ZNF267: variants seen among roughly 807,000 people sequenced by gnomAD.
The protein encoded by ZNF267 is zinc finger (C2H2).
A neutral mutation model predicts 71.6 loss-of-function variants in ZNF267; 61 were observed. The ratio of observed to expected loss-of-function variants is 0.85; its 90% CI spans 0.69 to 1.05. The LOEUF is 1.05. ZNF267 is among the 50% of genes least tolerant of loss of function. The pLI, the probability that ZNF267 is intolerant of heterozygous loss-of-function variation, is 0.00. For missense variants in ZNF267, 852 were observed against 870.0 expected (o/e 0.98, Z 0.26); for synonymous variants, 288 against 293.2 (o/e 0.98, Z 0.18).
chr16:31,894,848 T>TG (rs2083986215), intron 3 of ZNF267: 1 of 457,632 alleles, frequency 2.2e-6, no homozygotes, highest in African/African-American at 2.1e-5. Flanking sequence ...CCTGTGGAGG[T>TG]GGAGTGTTGA....
intron 3 of ZNF267, among the ~76,000 whole-genome samples, chr16:31,885,996 A>C (rs2083921636): frequency 6.6e-6 from 1 of 152,098 alleles, no homozygotes; most frequent in Non-Finnish European, 1.5e-5. Flanking sequence ...TATATAATAA[A>C]CTCTAAACTG....
At chr16:31,888,057 T>C (rs1009357699) in intron 3 of ZNF267, among the ~76,000 whole-genome samples, 1 of 152,098 alleles carries the variant, frequency 6.6e-6, no homozygotes, top group South Asian at 2.1e-4. Context: ...CAGTGTTTTA[T>C]AGATTTTACT....
chr16:31,876,240 A>G (rs2083851590), intron 1 of ZNF267, among the ~76,000 whole-genome samples: 1 of 151,876 alleles, frequency 6.6e-6, no homozygotes. Context: ...GTTTTTGGAG[A>G]CAGGATCTCT....
intron 3 of ZNF267, chr16:31,914,239 T>G: frequency 2.3e-6 from 1 of 443,142 alleles, no homozygotes. Context: ...CAGATGCTGC[T>G]GAGGGGCAAG....
Position 31,916,428 on chromosome 16 carries a change from T to C in ZNF267, c.2179T>C (p.Ser727Pro). 6.2e-7 allele frequency: 1 copy of C among 1,614,144 alleles called. No homozygotes were observed. Among genetic ancestry groups the C allele is most frequent in the Non-Finnish European group, 8.5e-7 (1 of 1,180,004 alleles). ...KCEECGKAFN[S>P]RSYLIAHQRS... Reference sequence around the variant, plus strand: ...TGAAGAATGTGGCAAAGCCTTTAACTCTAGGTCATACCTCATTGCACATCA... The same window carrying C: ...TGAAGAATGTGGCAAAGCCTTTAACCCTAGGTCATACCTCATTGCACATCA... Residue 727 changes from serine to proline, a missense_variant, in exon 4 of 4, where the codon TCT becomes CCT. Transcript: ENST00000300870.
intron 1 of ZNF267, 152 bp from the exon 2 acceptor site, chr16:31,884,346 A>G (rs1028766671): frequency 4.5e-6 from 4 of 897,350 alleles, no homozygotes; most frequent in Non-Finnish European, 4.9e-6. Flanking sequence ...GTTTGAGACT[A>G]CATTAGAAAA....
At chr16:31,909,124 T>C (rs1289859560) in intron 3 of ZNF267, among the ~76,000 whole-genome samples, 8 of 121,410 alleles carry the variant, frequency 6.6e-5, no homozygotes, top group East Asian at 4.6e-4. Flanking sequence ...TCTTTTCTTT[T>C]TTTTTTTTTT....
At position 31,915,930 on chromosome 16, in the gene ZNF267, T is replaced by G; in HGVS notation, c.1681T>G (p.Ser561Ala). The G allele has an allele frequency of 6.2e-7, 1 of 1,613,970 alleles. No homozygotes were observed. The highest frequency in any genetic ancestry group is 8.5e-7 in the Non-Finnish European group (1 of 1,180,000). The stretch of plus-strand genomic sequence containing the variant: ...ATGTGGCAAAGCCTTTCCTTATAGT[T>G]CACACCTTATTCGACATCATCGAAT... ...KECGKAFPYSSHLIRHHRIHT... is the reference protein window; with the variant it reads ...KECGKAFPYSAHLIRHHRIHT... Residue 561 changes from serine (S) to alanine (A), a missense_variant, in exon 4 of 4, where the codon TCA becomes GCA. Transcript: ENST00000300870.
chr16:31,885,102 A>G, intron 2 of ZNF267, 59 bp from the exon 3 acceptor site: 1 of 1,422,960 alleles, frequency 7.0e-7, no homozygotes, highest in Admixed American at 2.4e-5. Flanking sequence ...AAAAAGTATA[A>G]AAATAAAAAA....
intron 1 of ZNF267, among the ~76,000 whole-genome samples, chr16:31,878,844 G>C (rs187430877): frequency 6.6e-6 from 1 of 152,178 alleles, no homozygotes; most frequent in Non-Finnish European, 1.5e-5. Flanking sequence ...AGATGTCTGT[G>C]AGCTCAAGAC....
intron 1 of ZNF267, among the ~76,000 whole-genome samples, chr16:31,874,731 G>A (rs2083839669): frequency 6.6e-6 from 1 of 152,154 alleles, no homozygotes; most frequent in African/African-American, 2.4e-5. Flanking sequence ...CTGCCCAGGG[G>A]AACTGGTTTT....
At chr16:31,882,742 G>T (rs557496479) in intron 1 of ZNF267, among the ~76,000 whole-genome samples, 3 of 152,324 alleles carry the variant, frequency 2.0e-5, no homozygotes, top group African/African-American at 7.2e-5. Flanking sequence ...TCACAGCAAT[G>T]ATTATGGGCC....
At chr16:31,911,701 T>G (rs1360011056) in intron 3 of ZNF267, among the ~76,000 whole-genome samples, 1 of 151,410 alleles carries the variant, frequency 6.6e-6, no homozygotes. Context: ...TCCTGCCATT[T>G]TGTTATTTGT....
At chr16:31,881,806 A>G (rs1285390435) in intron 1 of ZNF267, among the ~76,000 whole-genome samples, 1 of 150,982 alleles carries the variant, frequency 6.6e-6, no homozygotes, top group Non-Finnish European at 1.5e-5. Context: ...AGCTGGGATT[A>G]TAGGTGTGCC....
intron 3 of ZNF267, among the ~76,000 whole-genome samples, chr16:31,888,568 A>T (rs1019565617): frequency 6.6e-6 from 1 of 152,056 alleles, no homozygotes. Context: ...CTTTTAATAA[A>T]TTTTTTGAGA....
Position 31,917,271 on chromosome 16 carries a change from CTT to C in ZNF267, c.*792_*793del, listed in dbSNP as rs1250917498. 4 of 150,576 alleles carry C rather than the reference CTT, an allele frequency of 2.7e-5. No homozygotes were observed. The highest frequency in any genetic ancestry group is 7.4e-5 in the African/African-American group (3 of 40,732). The allele number at this position is 150,576 out of a possible 1,614,324, so 9.3% of individuals were successfully genotyped here. On this transcript the variant is annotated 3_prime_UTR_variant, in exon 4 of 4. Transcript: ENST00000300870. ...ACATGAAAATTTTTAAAAATATGCT[CTT>C]TGTGTTTGAATAAAGTAGTAATGCA...
intron 1 of ZNF267, among the ~76,000 whole-genome samples, chr16:31,879,775 T>G (rs2142330298): frequency 6.6e-6 from 1 of 152,314 alleles, no homozygotes; most frequent in East Asian, 1.9e-4. Context: ...CCTGGCATCT[T>G]CAGACCTGAA....
chr16:31,894,972 T>C, intron 3 of ZNF267: 1 of 335,800 alleles, frequency 3.0e-6, no homozygotes, highest in South Asian at 3.1e-5. Flanking sequence ...TCTTCTAGCA[T>C]GCAGACCATC....
chr16:31,885,149 C>T lies in ZNF267; in HGVS notation c.131-12C>T, dbSNP rs1596616198. 1 of 1,575,026 alleles carries T rather than the reference C, an allele frequency of 6.3e-7. No individual in the cohort carries two copies. Among genetic ancestry groups the T allele is most frequent in the Non-Finnish European group, 8.6e-7 (1 of 1,165,600 alleles). On this transcript the variant is annotated splice_polypyrimidine_tract_variant and intron_variant, in intron 2 of 3. Transcript: ENST00000300870. ...CTCATTAAGAGTCATGTGAATTTTT[C>T]CAATAAAACAGGTCTTGTTGTCTCT...
Sources: gnomAD v4.1 joint callset for allele counts (sites outside exome capture counted in the v4.1 genomes callset) on GRCh38, gnomAD v4.1.1 for gene constraint, MANE v1.5 for transcripts, NCBI Gene and HGNC (gene_info 2026-07-23, HGNC 2026-07-21) for gene names.